Variants in SLC25A18 observed in about 807,000 individuals in gnomAD.
The protein encoded by SLC25A18 is solute carrier family 25 member 18.
A neutral mutation model predicts 31.1 loss-of-function variants in SLC25A18; 24 were observed. That is an observed-to-expected ratio of 0.77 (90% CI 0.56 to 1.08). SLC25A18 has a LOEUF of 1.08. Ranked by LOEUF, SLC25A18 falls within the 50% of genes least tolerant of loss-of-function variation. The probability of loss-of-function intolerance (pLI) is 0.00; values close to 1 mark genes in which losing one functional copy is unlikely to be tolerated. For synonymous variants in SLC25A18, 173 were observed against 161.9 expected, an observed-to-expected ratio of 1.07 and a Z score of -0.52; for missense variants, 371 against 418.5, an observed-to-expected ratio of 0.89 and a Z score of 0.99.
Position 17,578,188 on chromosome 22 carries a change from C to T in SLC25A18, c.-200-1557C>T, listed in dbSNP as rs191763375. Among the ~76,000 whole-genome samples, 664 of 152,150 alleles carry T rather than the reference C, an allele frequency of 4.4e-3. 6 individuals carry two copies. Among genetic ancestry groups the T allele is most frequent in the African/African-American group, 0.015 (641 of 41,494 alleles). ...GTTTCACTATGTTGCCCAGGCTGGT[C>T]TTGAACTCCTGGGCTCAGGCGATCC... On this transcript the variant is annotated intron_variant, in intron 2 of 10. Coordinates refer to ENST00000327451, the MANE Select transcript of SLC25A18 (RefSeq NM_031481.3).
intron 3 of SLC25A18, chr22:17,580,818 T>A: frequency 7.6e-7 from 1 of 1,310,498 alleles, no homozygotes. Flanking sequence ...AGGTCCCAGC[T>A]CCAGGGACTT....
chr22:17,570,033 G>A (rs1386057672), intron 2 of SLC25A18, 47 bp downstream of exon 2: 1 of 975,148 alleles, frequency 1.0e-6, no homozygotes, highest in Non-Finnish European at 1.2e-6. Flanking sequence ...GGTAGGAAAA[G>A]ACTCTTCTAG....
intron 4 of SLC25A18, 43 bp downstream of exon 4, chr22:17,581,202 G>A (rs2057363281): frequency 1.9e-6 from 3 of 1,569,884 alleles, no homozygotes; most frequent in African/African-American, 1.3e-5. Context: ...GGCGCCCGGG[G>A]GAGGGATGGG....
At chr22:17,569,198 C>G (rs2057024762) in intron 1 of SLC25A18, among the ~76,000 whole-genome samples, 1 of 151,758 alleles carries the variant, frequency 6.6e-6, no homozygotes, top group African/African-American at 2.4e-5. Flanking sequence ...TTAGTAGACA[C>G]GGGGTTTTAC....
intron 2 of SLC25A18, among the ~76,000 whole-genome samples, chr22:17,572,149 T>A (rs563746982): frequency 6.6e-6 from 1 of 151,622 alleles, no homozygotes; most frequent in Non-Finnish European, 1.5e-5. Flanking sequence ...ATCACGCCAC[T>A]GCACTCCAGC....
At chr22:17,567,245 T>C (rs2056960989) in intron 1 of SLC25A18, among the ~76,000 whole-genome samples, 1 of 151,560 alleles carries the variant, frequency 6.6e-6, no homozygotes, top group African/African-American at 2.4e-5. Flanking sequence ...TACATCTAGA[T>C]ATGAGTCCCA....
At position 17,567,037 on chromosome 22, in the gene SLC25A18, C is replaced by T. The variant is rs7289961; in HGVS notation, c.-263-2887C>T. Among the ~76,000 whole-genome samples the T allele has an allele frequency of 9.2e-3, 1,403 of 152,298 alleles. 23 individuals carry two copies. The highest frequency in any genetic ancestry group is 0.032 in the African/African-American group (1,323 of 41,540). ...AAATTAGCCAGGCATAGTGGCATGC[C>T]TGTAATCGCAGCTACTTGGGAGGCT... On this transcript the variant is annotated intron_variant, in intron 1 of 10. Coordinates refer to ENST00000327451, the MANE Select transcript of SLC25A18 (RefSeq NM_031481.3).
intron 9 of SLC25A18, 78 bp downstream of exon 9, chr22:17,588,157 G>GCTTCC: frequency 6.5e-7 from 1 of 1,547,764 alleles, no homozygotes; most frequent in Non-Finnish European, 8.8e-7. Flanking sequence ...CCTGACCCTG[G>GCTTCC]AAGCCATACT....
At position 17,587,010 on chromosome 22, in the gene SLC25A18, G is replaced by A. The variant is rs1053134072; in HGVS notation, c.410-126G>A. 1.4e-5 allele frequency: 15 copies of A among 1,056,236 alleles called. No homozygotes were observed. In the Admixed American group the frequency reaches 1.9e-4, roughly 13 times the overall value. 65.4% of individuals were successfully genotyped at this position (1,056,236 alleles called of 1,614,324 possible). On this transcript the variant is annotated intron_variant, in intron 7 of 10. Transcript: ENST00000327451. ...ATTCTAAAATTAGGACATTCTTCTG[G>A]ATGCCAGCTGAGGTGTCAGCCTGGC...
intron 2 of SLC25A18, among the ~76,000 whole-genome samples, chr22:17,577,171 C>T (rs549553206): frequency 1.3e-5 from 2 of 152,246 alleles, no homozygotes; most frequent in East Asian, 1.9e-4. Context: ...GACAGGCGCC[C>T]ACCACCACAC....
intron 1 of SLC25A18, among the ~76,000 whole-genome samples, chr22:17,568,012 T>A (rs534401056): frequency 1.1e-3 from 162 of 152,066 alleles, no homozygotes; most frequent in Non-Finnish European, 1.8e-3. Context: ...AATGGGACTT[T>A]ATATTTTGTA....
chr22:17,582,436 A>C (rs2146255739), intron 5 of SLC25A18, 127 bp from the exon 6 acceptor site: 3 of 617,148 alleles, frequency 4.9e-6, no homozygotes, highest in East Asian at 6.0e-5. Flanking sequence ...AATTAGGCTC[A>C]GGAGCCCCAC....
intron 10 of SLC25A18, 59 bp from the exon 11 acceptor site, chr22:17,590,036 T>C: frequency 1.2e-6 from 2 of 1,605,900 alleles, no homozygotes; most frequent in Non-Finnish European, 1.7e-6. Flanking sequence ...AGGCTGCCAC[T>C]GAGGGCTGCT....
intron 1 of SLC25A18, among the ~76,000 whole-genome samples, chr22:17,569,098 T>G (rs896589508): frequency 1.4e-5 from 2 of 147,466 alleles, no homozygotes; most frequent in African/African-American, 5.0e-5. Context: ...AAGCTCCGCC[T>G]CCTGGGTTCA....
intron 1 of SLC25A18, among the ~76,000 whole-genome samples, chr22:17,568,633 C>G (rs2057004557): frequency 7.8e-6 from 1 of 128,280 alleles, no homozygotes; most frequent in Non-Finnish European, 1.6e-5. Flanking sequence ...GCGATCTCGG[C>G]TCACTGCAAG....
intron 2 of SLC25A18, among the ~76,000 whole-genome samples, chr22:17,573,646 C>T (rs1054711251): frequency 6.6e-6 from 1 of 152,126 alleles, no homozygotes; most frequent in East Asian, 1.9e-4. Context: ...GCCCCACTGA[C>T]CCCATCTCTC....
In SLC25A18 at chr22:17,579,973, G is replaced by A. The variant is rs368441404; in HGVS notation, c.20+9G>A. The A allele has an allele frequency of 1.2e-3, 1,863 of 1,609,474 alleles. 29 individuals are homozygous for A. In the South Asian group the frequency reaches 0.02, roughly 17 times the overall value. ...ACCCACCAGGATCTGAGGTGAGCTCGGCTGGGGCAGCCTGAGGCCCTGGGC... is the reference window on the plus strand; with the variant it reads ...ACCCACCAGGATCTGAGGTGAGCTCAGCTGGGGCAGCCTGAGGCCCTGGGC... On this transcript the variant is annotated intron_variant, in intron 3 of 10. Coordinates refer to ENST00000327451, the MANE Select transcript of SLC25A18 (RefSeq NM_031481.3).
At chr22:17,568,894 T>C (rs1034153502) in intron 1 of SLC25A18, among the ~76,000 whole-genome samples, 1 of 151,862 alleles carries the variant, frequency 6.6e-6, no homozygotes, top group Admixed American at 6.6e-5. Flanking sequence ...TTATTATGGC[T>C]GGTAGATATT....
intron 3 of SLC25A18, chr22:17,580,752 G>A (rs2057350095): frequency 8.4e-6 from 10 of 1,188,486 alleles, no homozygotes; most frequent in South Asian, 3.1e-5. Context: ...GGGGCAGAGC[G>A]GTGCCCTGGT....
Sources: allele counts gnomAD v4.1 joint callset (sites outside exome capture counted in the v4.1 genomes callset), GRCh38; gene constraint gnomAD v4.1.1; transcripts MANE v1.5; gene names NCBI Gene and HGNC (gene_info 2026-07-23, HGNC 2026-07-21).